The following ELP6 variants were observed in gnomAD, a reference collection of about 807,000 sequenced individuals.
The protein encoded by ELP6 is elongator complex protein 6.
A neutral mutation model predicts 28.1 loss-of-function variants in ELP6; 23 were observed. That is an observed-to-expected ratio of 0.82 (90% confidence interval 0.59 to 1.16). The LOEUF is 1.16. Among genes scored for constraint, ELP6 ranks in the 50% most tolerant of loss-of-function variants. ELP6 has a pLI of 0.00. For synonymous variants in ELP6, 132 were observed against 135.8 expected (o/e 0.97, Z 0.19); for missense variants, 313 against 334.6 (o/e 0.94, Z 0.50).
Position 47,511,140 on chromosome 3 carries a change from TC to T in ELP6, c.133+7del. ...GTTTCTTTTCTACAGCATCAATGAG[TC>T]CCATACCTTTGAGATAGAAGGAGAG... On this transcript the variant is annotated splice_region_variant and intron_variant, in intron 2 of 6. Coordinates refer to ENST00000296149, the MANE Select transcript of ELP6 (RefSeq NM_001031703.3). The T allele has an allele frequency of 6.2e-7, 1 of 1,612,258 alleles. No homozygotes were observed. The highest frequency in any genetic ancestry group is 8.5e-7 in the Non-Finnish European group (1 of 1,178,428).
Position 47,504,401 on chromosome 3 carries a change from A to T in ELP6, c.252T>A (p.Leu84=). The T allele has an allele frequency of 6.2e-7, 1 of 1,609,610 alleles. No individual in the cohort carries two copies. The stretch of plus-strand genomic sequence containing the variant: ...CGTCCACTGCAGACTTGAGTCCCTC[A>T]AGGAACACAAGCTGCCCACGCTCCC... ...MARERGQLVF[L]EGLKSAVDVV... Residue 84 remains leucine (L), a synonymous_variant, in exon 4 of 7, where the codon CTT becomes CTA. Transcript: ENST00000296149.
Position 47,513,593 on chromosome 3 carries a change from C to G in ELP6, c.-3G>C, listed in dbSNP as rs2029995697. On this transcript the variant is annotated 5_prime_UTR_variant, in exon 1 of 7. Coordinates refer to ENST00000296149, the MANE Select transcript of ELP6 (RefSeq NM_001031703.3). Reference sequence around the variant, plus strand: ...AGGTTATTAAGTTCCACGAACATTCCGAGCTCCTGGGACTAGCGCTCTGGA... The same window carrying G: ...AGGTTATTAAGTTCCACGAACATTCGGAGCTCCTGGGACTAGCGCTCTGGA... 1.2e-6 allele frequency: 2 copies of G among 1,613,226 alleles called. No homozygotes were observed. Among genetic ancestry groups the G allele is most frequent in the African/African-American group, 1.3e-5 (1 of 75,020 alleles).
chr3:47,502,583 C>G (rs1434146234), intron 4 of ELP6: 1 of 983,026 alleles, frequency 1.0e-6, no homozygotes, highest in Non-Finnish European at 1.2e-6. Context: ...ACCTGTAATC[C>G]CAGCACTTTG....
In ELP6 at chr3:47,499,928, C is replaced by T. The variant is rs1475096360; in HGVS notation, c.526-1496G>A. The T allele has an allele frequency of 7.4e-6, 10 of 1,345,864 alleles. No homozygotes were observed. The Admixed American group carries it at 8.1e-5, about 11-fold the overall frequency. 83.4% of individuals were successfully genotyped at this position (1,345,864 alleles called of 1,614,324 possible). A position where few individuals can be genotyped will look rare whatever the true frequency, so the allele number is the denominator to read the frequency against. On this transcript the variant is annotated intron_variant, in intron 5 of 6. Coordinates refer to ENST00000296149, the MANE Select transcript of ELP6 (RefSeq NM_001031703.3). ...GGTGGAGGACGTGACCCTCAACCGT[C>T]GTGCCTGCAGCTTCCGAGTCCTGGT...
In ELP6 at chr3:47,496,055, G is replaced by C; in HGVS notation, c.*14C>G. The C allele has an allele frequency of 2.5e-6, 4 of 1,613,988 alleles. No homozygotes were observed. In the South Asian group the frequency reaches 3.3e-5, roughly 13 times the overall value. On this transcript the variant is annotated 3_prime_UTR_variant, in exon 7 of 7. Coordinates refer to ENST00000296149, the MANE Select transcript of ELP6 (RefSeq NM_001031703.3). ...AAAACAGTCCTATGTAGCTTCAGCT[G>C]CTCCGAAATCAGGTCACAGAACAGC...
chr3:47,497,197 A>G (rs1708501417), intron 6 of ELP6: 1 of 985,298 alleles, frequency 1.0e-6, no homozygotes, highest in Non-Finnish European at 1.2e-6. Flanking sequence ...GCCACATGGC[A>G]GCCCATTTAG....
At chr3:47,507,717 C>A (rs1301293349) in intron 3 of ELP6, among the ~76,000 whole-genome samples, 1 of 151,946 alleles carries the variant, frequency 6.6e-6, no homozygotes, top group Non-Finnish European at 1.5e-5. Context: ...TGCTCATTCA[C>A]ACACAAAATG....
chr3:47,513,388 C>T, intron 1 of ELP6, 149 bp downstream of exon 1: 1 of 1,433,022 alleles, frequency 7.0e-7, no homozygotes. Context: ...CAGTCCAATC[C>T]CCGGGTCGAT....
chr3:47,497,695 G>T (rs936752600), intron 6 of ELP6, among the ~76,000 whole-genome samples: 2 of 151,956 alleles, frequency 1.3e-5, no homozygotes, highest in Admixed American at 6.5e-5. Context: ...GAAGCAAAGG[G>T]GGGTGGGGGT....
rs1165372680 is a variant in ELP6 at position 47,504,351 on chromosome 3, G to A, written c.302C>T (p.Pro101Leu). Residue 101 changes from proline to leucine, a missense_variant, in exon 4 of 7, where the codon CCA becomes CTA. Pro to Leu is a moderately conservative substitution (Grantham distance 98). Transcript: ENST00000296149. ...TGACCTGAGAAACTGCAGGGGGTGT[G>A]GCTCCTTTTGAGCCTGGAAGACGAC... Reference protein sequence around the residue: ...VDVVFQAQKEPHPLQFLREAN... With the variant: ...VDVVFQAQKELHPLQFLREAN... The A allele has an allele frequency of 1.9e-6, 3 of 1,609,270 alleles. No homozygotes were observed. The East Asian group carries it at 6.7e-5, about 36-fold the overall frequency.
Position 47,495,865 on chromosome 3 carries a change from G to A in ELP6, c.*204C>T. Reference sequence around the variant, plus strand: ...CCAGCCTCTCTCTCAGCAAAGGCAGGATTGTGGTCCCTTGTGTTTTCTGAA... The same window carrying A: ...CCAGCCTCTCTCTCAGCAAAGGCAGAATTGTGGTCCCTTGTGTTTTCTGAA... On this transcript the variant is annotated 3_prime_UTR_variant, in exon 7 of 7. Transcript: ENST00000296149. The A allele has an allele frequency of 2.7e-6, 2 of 742,526 alleles. No homozygotes were observed. Among genetic ancestry groups the A allele is most frequent in the Non-Finnish European group, 4.1e-6 (2 of 491,426 alleles). 46.0% of individuals were successfully genotyped at this position (742,526 alleles called of 1,614,324 possible). A position where few individuals can be genotyped will look rare whatever the true frequency, so the allele number is the denominator to read the frequency against.
chr3:47,498,136 A>G, intron 6 of ELP6, 150 bp downstream of exon 6: 2 of 1,375,336 alleles, frequency 1.5e-6, no homozygotes, highest in South Asian at 1.3e-5. Flanking sequence ...GAGCAGGTCT[A>G]TTACCTGAAG....
chr3:47,504,718 G>A (rs981462274), intron 3 of ELP6: 4 of 880,570 alleles, frequency 4.5e-6, no homozygotes, highest in Non-Finnish European at 5.4e-6. Flanking sequence ...CTACTTGGGA[G>A]GCTGAGGCAG....
Position 47,507,361 on chromosome 3 carries a change from CAA to C in ELP6, c.204+2821_204+2822del, listed in dbSNP as rs11314928. Among the ~76,000 whole-genome samples, 149 of 106,920 alleles carry C rather than the reference CAA, an allele frequency of 1.4e-3. 1 individual carries two copies. The highest frequency in any genetic ancestry group is 2.6e-3 in the South Asian group (8 of 3,084). The allele number at this position is 106,920 out of a possible 152,430, so 70.1% of individuals were successfully genotyped here. A position where few individuals can be genotyped will look rare whatever the true frequency, so the allele number is the denominator to read the frequency against. ...GGGCAACAAGAGTGAAACTCTGTCT[CAA>C]AAAAAAAAAAAAAAAACAAAAGCAG... is the stretch of plus-strand genomic sequence containing the variant. On this transcript the variant is annotated intron_variant, in intron 3 of 6. Coordinates refer to ENST00000296149, the MANE Select transcript of ELP6 (RefSeq NM_001031703.3).
intron 6 of ELP6, chr3:47,497,368 A>C (rs1576336163): frequency 5.1e-6 from 5 of 983,406 alleles, no homozygotes; most frequent in Non-Finnish European, 4.8e-6. Flanking sequence ...ACAGAGTCTC[A>C]CTCTGTCGCC....
At chr3:47,497,314 G>A (rs1708505948) in intron 6 of ELP6, 2 of 985,244 alleles carry the variant, frequency 2.0e-6, no homozygotes, top group East Asian at 1.1e-4. Flanking sequence ...CCTGGTCCAC[G>A]GGTACGGCCT....
intron 2 of ELP6, 65 bp downstream of exon 2, chr3:47,511,083 T>A: frequency 7.2e-7 from 1 of 1,383,588 alleles, no homozygotes; most frequent in East Asian, 2.3e-5. Context: ...CTTAAATAGT[T>A]TTGGTTTTTA....
intron 3 of ELP6, among the ~76,000 whole-genome samples, chr3:47,506,507 G>A (rs920676420): frequency 3.3e-5 from 5 of 152,132 alleles, no homozygotes; most frequent in Admixed American, 1.3e-4. Context: ...CCCCAAGCGC[G>A]TATTCTCTTT....
At chr3:47,504,038 A>G (rs1490732850) in intron 4 of ELP6, among the ~76,000 whole-genome samples, 5 of 152,244 alleles carry the variant, frequency 3.3e-5, no homozygotes, top group African/African-American at 7.2e-5. Context: ...ACTGTTGCAG[A>G]GCACAGGTGT....
Sources: allele counts gnomAD v4.1 joint callset (sites outside exome capture counted in the v4.1 genomes callset), GRCh38; gene constraint gnomAD v4.1.1; transcripts MANE v1.5; gene names NCBI Gene and HGNC (gene_info 2026-07-23, HGNC 2026-07-21).